TXNDC11: variants seen among roughly 807,000 people sequenced by gnomAD.
TXNDC11 encodes thioredoxin domain containing 11, also known as thioredoxin domain-containing protein 11.
In TXNDC11, 68 loss-of-function variants were observed where a neutral mutation model predicts 78.0. That is an observed-to-expected ratio of 0.87 (90% confidence interval 0.72 to 1.07). TXNDC11 has a LOEUF of 1.07. Among genes scored for constraint, TXNDC11 ranks in the 50% least tolerant of loss-of-function variants. TXNDC11 has a pLI of 0.00. For synonymous variants in TXNDC11, 571 were observed against 495.2 expected (o/e 1.15, Z -2.03); for missense variants, 1,389 against 1,221.8 (o/e 1.14, Z -2.04).
intron 5 of TXNDC11, among the ~76,000 whole-genome samples, chr16:11,719,704 C>T (rs1014704899): frequency 6.6e-6 from 1 of 152,152 alleles, no homozygotes; most frequent in African/African-American, 2.4e-5. Flanking sequence ...AGAAAGAACA[C>T]TAACATGAGG....
chr16:11,713,839 A>C lies in TXNDC11; in HGVS notation c.793+7738T>G, dbSNP rs868493098. Among the ~76,000 whole-genome samples, 3 of 152,178 alleles carry C rather than the reference A, an allele frequency of 2.0e-5. No homozygotes were observed. The South Asian group carries it at 6.2e-4, about 32-fold the overall frequency. ...TGAGTGAGTATAGTGACAACAAATG[A>C]AATTACCCAAGAAAAAAAAACGATC... On this transcript the variant is annotated intron_variant, in intron 5 of 11. Transcript: ENST00000283033.
chr16:11,722,742 T>A (rs1188295283), intron 4 of TXNDC11, among the ~76,000 whole-genome samples: 1 of 152,210 alleles, frequency 6.6e-6, no homozygotes, highest in Non-Finnish European at 1.5e-5. Context: ...CACTACACTC[T>A]ATATTAGTAA....
At position 11,679,628 on chromosome 16, in the gene TXNDC11, C is replaced by CT; in HGVS notation, c.2443dup (p.Ser815LysfsTer21). ...CTGCACTTGTGCTCGCTGGAGGCTG[C>CT]TTATTTCTGCTCTCAGTTTCTGGAT... On this transcript the variant is annotated frameshift_variant, in exon 12 of 12. Transcript: ENST00000283033. LOFTEE classifies it low-confidence loss of function (END_TRUNC). The surrounding 1 kb of genome is among the most constrained non-coding windows in gnomAD (Gnocchi z 4.6). 1 of 1,614,168 alleles carries CT rather than the reference C, an allele frequency of 6.2e-7. No homozygotes were observed. Among genetic ancestry groups the CT allele is most frequent in the Non-Finnish European group, 8.5e-7 (1 of 1,180,036 alleles).
chr16:11,718,311 G>C (rs190651612), intron 5 of TXNDC11, among the ~76,000 whole-genome samples: 1 of 152,306 alleles, frequency 6.6e-6, no homozygotes, highest in African/African-American at 2.4e-5. Flanking sequence ...CATGTGTATT[G>C]TATAAATGCT....
chr16:11,728,116 G>A (rs751417441), intron 4 of TXNDC11, among the ~76,000 whole-genome samples: 4 of 152,012 alleles, frequency 2.6e-5, no homozygotes, highest in Non-Finnish European at 5.9e-5. Context: ...TCTACTCCAG[G>A]GACTCCAAAA....
chr16:11,725,545 T>C (rs1259803627), intron 4 of TXNDC11, among the ~76,000 whole-genome samples: 3 of 152,160 alleles, frequency 2.0e-5, no homozygotes, highest in Admixed American at 6.6e-5. Flanking sequence ...AGACAAGAAT[T>C]TGGGGAGCCA....
intron 5 of TXNDC11, among the ~76,000 whole-genome samples, chr16:11,709,541 T>A (rs999463345): frequency 6.8e-6 from 1 of 147,780 alleles, no homozygotes; most frequent in African/African-American, 2.5e-5. Context: ...TTCACGCCAT[T>A]CTCCTGCCTC....
At chr16:11,719,885 T>A (rs1008075379) in intron 5 of TXNDC11, among the ~76,000 whole-genome samples, 1 of 152,186 alleles carries the variant, frequency 6.6e-6, no homozygotes, top group African/African-American at 2.4e-5. Flanking sequence ...GGAAGCGATA[T>A]TTGGGCTGGG....
Position 11,736,182 on chromosome 16 carries a change from G to C in TXNDC11, c.306C>G (p.Ser102=), listed in dbSNP as rs1411704042. The C allele has an allele frequency of 1.2e-6, 2 of 1,614,048 alleles. No individual in the cohort carries two copies. The highest frequency in any genetic ancestry group is 8.5e-7 in the Non-Finnish European group (1 of 1,179,980). The change falls in exon 2 of 12, where the codon TCC becomes TCG. Residue 102 remains serine (S), a synonymous_variant. Coordinates refer to ENST00000283033, the MANE Select transcript of TXNDC11 (RefSeq NM_015914.7). ...IPAKPPVSFF[S]LRSPVLDLFQ... ...AGAGGTCAAGGACTGGAGACCTCAA[G>C]GAGAAAAAGCTGACAGGTGGCTTTG...
intron 11 of TXNDC11, among the ~76,000 whole-genome samples, chr16:11,680,724 C>G (rs542567852): frequency 3.9e-5 from 6 of 152,298 alleles, no homozygotes; most frequent in African/African-American, 1.4e-4. Flanking sequence ...GAATGGAAGT[C>G]AACAGCAGGG....
rs750315703 is a variant in TXNDC11 at position 11,691,966 on chromosome 16, C to T, written c.1224G>A (p.Val408=). 1 of 1,608,234 alleles carries T rather than the reference C, an allele frequency of 6.2e-7. No individual in the cohort carries two copies. Among genetic ancestry groups the T allele is most frequent in the South Asian group, 1.1e-5 (1 of 90,318 alleles). The change falls in exon 8 of 12, where the codon GTG becomes GTA. Residue 408 remains valine, a synonymous_variant. Transcript: ENST00000283033. ...TTGGCGGGTCTGGCAGCTGTGCCGGCACTTCCAGGGCCAGGGACTCCAGCA... is the reference window on the plus strand; with the variant it reads ...TTGGCGGGTCTGGCAGCTGTGCCGGTACTTCCAGGGCCAGGGACTCCAGCA... ...APVLESLALE[V]PAQLPDPPTI...
intron 10 of TXNDC11, 95 bp from the exon 11 acceptor site, chr16:11,684,340 T>G: frequency 1.2e-6 from 1 of 855,076 alleles, no homozygotes; most frequent in Non-Finnish European, 1.9e-6. Flanking sequence ...CCTGGTGCAT[T>G]TTTTACACCC....
rs578185136 is a variant in TXNDC11, at chr16:11,738,624, G to A, written c.255-2391C>T. On this transcript the variant is annotated intron_variant, in intron 1 of 11. Coordinates refer to ENST00000283033, the MANE Select transcript of TXNDC11 (RefSeq NM_015914.7). Reference sequence around the variant, plus strand: ...TTAAGCTCTGAGACCTGAATGACAAGAAGATAGCCACCTAAGAGGTGGGGA... The same window carrying A: ...TTAAGCTCTGAGACCTGAATGACAAAAAGATAGCCACCTAAGAGGTGGGGA... 8.1e-5 allele frequency among the ~76,000 whole-genome samples: 12 copies of A among 148,210 alleles called. No individual in the cohort carries two copies. The East Asian group carries it at 2.4e-3, about 29-fold the overall frequency.
chr16:11,698,984 G>A (rs2050935229), intron 6 of TXNDC11, among the ~76,000 whole-genome samples: 1 of 152,240 alleles, frequency 6.6e-6, no homozygotes, highest in Non-Finnish European at 1.5e-5. Flanking sequence ...AACAACCAAT[G>A]TATGTGAACA....
chr16:11,700,087 G>C (rs938741090), intron 6 of TXNDC11, among the ~76,000 whole-genome samples: 1 of 152,178 alleles, frequency 6.6e-6, no homozygotes, highest in African/African-American at 2.4e-5. Context: ...AAAAGAAACA[G>C]ATAAACACAG....
chr16:11,691,197 A>T (rs943368678), intron 8 of TXNDC11, 93 bp downstream of exon 8: 1 of 1,096,142 alleles, frequency 9.1e-7, no homozygotes, highest in Non-Finnish European at 1.3e-6. Flanking sequence ...ACATCACCCC[A>T]CAACTAAATG....
Position 11,740,872 on chromosome 16 carries a change from A to G in TXNDC11, c.254+1605T>C, listed in dbSNP as rs568470258. Among the ~76,000 whole-genome samples, 201 of 152,344 alleles carry G rather than the reference A, an allele frequency of 1.3e-3. 2 individuals are homozygous for G. Among genetic ancestry groups the G allele is most frequent in the Non-Finnish European group, 2.3e-3 (159 of 68,030 alleles). ...AAATGACACCCATACTAGGCTCTCA[A>G]TTATGTACTAAATGAATAAATGCTT... is the stretch of plus-strand genomic sequence containing the variant. On this transcript the variant is annotated intron_variant, in intron 1 of 11. Transcript: ENST00000283033.
chr16:11,713,989 G>T (rs779625709), intron 5 of TXNDC11, among the ~76,000 whole-genome samples: 1 of 151,732 alleles, frequency 6.6e-6, no homozygotes, highest in African/African-American at 2.4e-5. Context: ...TCAGTCCCTT[G>T]TTTTTTCAAT....
At chr16:11,697,996 C>T in intron 7 of TXNDC11, 129 bp downstream of exon 7, 1 of 867,986 alleles carries the variant, frequency 1.2e-6, no homozygotes, top group Non-Finnish European at 1.9e-6. Context: ...GAGCAATGCT[C>T]AGAGCCACAG....
Sources: gnomAD v4.1 joint callset for allele counts (sites outside exome capture counted in the v4.1 genomes callset) on GRCh38, gnomAD v4.1.1 for gene constraint, Gnocchi (gnomAD v3.1) non-coding constraint, MANE v1.5 for transcripts, NCBI Gene and HGNC (gene_info 2026-07-23, HGNC 2026-07-21) for gene names.